CDH4: variants seen among roughly 807,000 people sequenced by gnomAD.
The protein encoded by CDH4 is cadherin 4.
Under a neutral mutation model 86.0 loss-of-function variants are expected in CDH4, and 33 were observed. The observed-to-expected ratio is 0.38, with a 90% CI of 0.29 to 0.51. The LOEUF is 0.51. CDH4 is among the 20% of genes least tolerant of loss of function. The probability of loss-of-function intolerance (pLI) is 0.86; values close to 1 mark genes in which losing one functional copy is unlikely to be tolerated. For missense variants in CDH4, 1,114 were observed against 1,307.4 expected, an observed-to-expected ratio of 0.85 and a Z score of 2.28; for synonymous variants, 555 against 549.4, an observed-to-expected ratio of 1.01 and a Z score of -0.14.
chr20:61,303,129 C>T (rs2084394712), intron 2 of CDH4, among the ~76,000 whole-genome samples: 2 of 152,196 alleles, frequency 1.3e-5, no homozygotes, highest in African/African-American at 4.8e-5. Flanking sequence ...GTTACGGCCA[C>T]AGTAGGAAGC....
At chr20:61,536,360 A>G (rs1469228845) in intron 2 of CDH4, among the ~76,000 whole-genome samples, 2 of 152,148 alleles carry the variant, frequency 1.3e-5, no homozygotes, top group African/African-American at 4.8e-5. Flanking sequence ...TGGTGGTGGA[A>G]AGGAAGAGGC....
At chr20:61,602,167 G>C (rs745670199) in intron 2 of CDH4, among the ~76,000 whole-genome samples, 9 of 152,152 alleles carry the variant, frequency 5.9e-5, no homozygotes, top group Non-Finnish European at 1.2e-4. Context: ...GGGCTCGGAG[G>C]GTGTCCAGCT....
intron 2 of CDH4, among the ~76,000 whole-genome samples, chr20:61,387,095 AAAAG>A (rs1280954196): frequency 1.3e-5 from 2 of 152,366 alleles, no homozygotes; most frequent in East Asian, 3.9e-4. Flanking sequence ...ATTCACAATT[AAAAG>A]AAAGGAAAAT....
intron 2 of CDH4, among the ~76,000 whole-genome samples, chr20:61,451,488 C>A (rs2085380337): frequency 6.6e-6 from 1 of 152,176 alleles, no homozygotes; most frequent in African/African-American, 2.4e-5. Context: ...TACAGGCAAG[C>A]TAACAGGTTC....
chr20:61,360,102 CAG>C (rs34295023), intron 2 of CDH4, among the ~76,000 whole-genome samples: 34,598 of 152,056 alleles, frequency 0.23, 4,450 homozygotes, highest in South Asian at 0.34. Flanking sequence ...GCCTGTGAGA[CAG>C]AGTCTGCATG....
chr20:61,795,755 T>C (rs762859111), intron 4 of CDH4, among the ~76,000 whole-genome samples: 1 of 151,906 alleles, frequency 6.6e-6, no homozygotes, highest in African/African-American at 2.4e-5. Flanking sequence ...CCCAGGACCA[T>C]AAGAGCCACT....
chr20:61,435,475 C>A (rs2085275635), intron 2 of CDH4, among the ~76,000 whole-genome samples: 1 of 152,226 alleles, frequency 6.6e-6, no homozygotes, highest in Admixed American at 6.5e-5. Context: ...CTGCAGGGTG[C>A]TGCTTCCAGC....
rs112977494 is a variant in CDH4, at chr20:61,362,468, G to A, written c.169+107531G>A. ...GAGTGGAGACGTGGCCTAGGACAGC[G>A]TAGGGGAGAGCAGAGACATGGCCTA... On this transcript the variant is annotated intron_variant, in intron 2 of 15. Transcript: ENST00000614565. 2.5e-3 allele frequency among the ~76,000 whole-genome samples: 371 copies of A among 148,580 alleles called. 2 individuals carry two copies. Among genetic ancestry groups the A allele is most frequent in the African/African-American group, 8.3e-3 (340 of 40,762 alleles).
Position 61,277,068 on chromosome 20 carries a change from C to T in CDH4, c.169+22131C>T, listed in dbSNP as rs543973730. 6.6e-5 allele frequency among the ~76,000 whole-genome samples: 10 copies of T among 152,316 alleles called. No homozygotes were observed. In the South Asian group the frequency reaches 2.1e-3, roughly 32 times the overall value. On this transcript the variant is annotated intron_variant, in intron 2 of 15. Coordinates refer to ENST00000614565, the MANE Select transcript of CDH4 (RefSeq NM_001794.5). Reference sequence around the variant, plus strand: ...ACGCCCACCCCCTTCTAGGCACCAGCACTGGTCTGCCTGCTGAGCTTGCTA... The same window carrying T: ...ACGCCCACCCCCTTCTAGGCACCAGTACTGGTCTGCCTGCTGAGCTTGCTA...
At chr20:61,672,350 G>T (rs371805995) in intron 2 of CDH4, among the ~76,000 whole-genome samples, 1 of 152,132 alleles carries the variant, frequency 6.6e-6, no homozygotes, top group African/African-American at 2.4e-5. Flanking sequence ...TGCTCTGTAC[G>T]TGGTAGGATT....
intron 8 of CDH4, among the ~76,000 whole-genome samples, chr20:61,907,363 T>G (rs1209095865): frequency 6.6e-6 from 1 of 151,850 alleles, no homozygotes; most frequent in East Asian, 1.9e-4. Context: ...CCGCCCAGGA[T>G]CCCGTGTGGC....
chr20:61,851,629 G>A (rs2146111621), intron 5 of CDH4, among the ~76,000 whole-genome samples: 1 of 152,308 alleles, frequency 6.6e-6, no homozygotes, highest in African/African-American at 2.4e-5. Flanking sequence ...GTGAGCTGAG[G>A]ACACCTCTGG....
chr20:61,920,146 T>C (rs74388097), intron 9 of CDH4, among the ~76,000 whole-genome samples: 18 of 119,994 alleles, frequency 1.5e-4, no homozygotes, highest in African/African-American at 2.9e-4. Flanking sequence ...AGCGTGGTTT[T>C]GTGATTGCAT....
intron 11 of CDH4, among the ~76,000 whole-genome samples, chr20:61,926,071 T>C (rs2055041340): frequency 6.6e-6 from 1 of 152,188 alleles, no homozygotes; most frequent in Non-Finnish European, 1.5e-5. Context: ...TGGGGATGAC[T>C]CAGCAGCGTC....
intron 8 of CDH4, among the ~76,000 whole-genome samples, chr20:61,900,116 G>A (rs969742612): frequency 6.6e-6 from 1 of 152,180 alleles, no homozygotes; most frequent in Non-Finnish European, 1.5e-5. Flanking sequence ...TCAGCGGGGG[G>A]GACTGGCTGG....
At chr20:61,858,417 G>A (rs946005812) in intron 6 of CDH4, among the ~76,000 whole-genome samples, 1 of 151,368 alleles carries the variant, frequency 6.6e-6, no homozygotes, top group Non-Finnish European at 1.5e-5. Flanking sequence ...GTCTGCGTCT[G>A]TGTGTGTGTC....
chr20:61,821,133 T>G (rs1198266151), intron 4 of CDH4, among the ~76,000 whole-genome samples: 1 of 139,126 alleles, frequency 7.2e-6, no homozygotes, highest in Non-Finnish European at 1.5e-5. Context: ...ACCTCCCAGA[T>G]CCCACTGCTC....
chr20:61,272,299 A>C (rs1224697165), intron 2 of CDH4, among the ~76,000 whole-genome samples: 3 of 152,050 alleles, frequency 2.0e-5, no homozygotes, highest in Non-Finnish European at 4.4e-5. Context: ...CTAATTAATC[A>C]CTTCCTCCAG....
At chr20:61,856,550 C>T (rs1391660795) in intron 6 of CDH4, among the ~76,000 whole-genome samples, 1 of 148,362 alleles carries the variant, frequency 6.7e-6, no homozygotes, top group African/African-American at 2.5e-5. Context: ...CCGCCGGGAT[C>T]CACAAGGGTT....
Sources: allele counts gnomAD v4.1 joint callset (sites outside exome capture counted in the v4.1 genomes callset), GRCh38; gene constraint gnomAD v4.1.1; transcripts MANE v1.5; gene names NCBI Gene and HGNC (gene_info 2026-07-23, HGNC 2026-07-21).